The following APP variants were observed in gnomAD, a reference collection of about 807,000 sequenced individuals.
APP encodes the protein amyloid beta precursor protein, also known as amyloid-beta precursor protein.
Under a neutral mutation model 101.4 loss-of-function variants are expected in APP, and 31 were observed. The ratio of observed to expected loss-of-function variants is 0.31; its 90% confidence interval spans 0.23 to 0.41. The LOEUF (loss-of-function observed/expected upper bound fraction) is 0.41, where lower values mean the gene tolerates loss of function less well. Among genes scored for constraint, APP ranks in the 10% least tolerant of loss-of-function variants. The pLI, the probability that APP is intolerant of heterozygous loss-of-function variation, is 1.00. For missense variants in APP, 839 were observed against 1,003.7 expected (o/e 0.84, Z 2.22); for synonymous variants, 366 against 364.4 (o/e 1.00, Z -0.05).
chr21:26,109,012 T>C (rs2062249829), intron 2 of APP, among the ~76,000 whole-genome samples: 1 of 152,220 alleles, frequency 6.6e-6, no homozygotes. Flanking sequence ...TGGCCCTTTC[T>C]TACTTATGGC....
chr21:26,109,216 T>C (rs1349675605), intron 2 of APP, among the ~76,000 whole-genome samples: 3 of 152,238 alleles, frequency 2.0e-5, no homozygotes, highest in Non-Finnish European at 4.4e-5. Context: ...GCTCAACCCT[T>C]TGATACAGTT....
chr21:26,060,190 G>C (rs983860891), intron 3 of APP, among the ~76,000 whole-genome samples: 1 of 152,178 alleles, frequency 6.6e-6, no homozygotes, highest in Admixed American at 6.5e-5. Flanking sequence ...ACCTACTGAA[G>C]ACACTGGGGT....
intron 9 of APP, among the ~76,000 whole-genome samples, chr21:25,976,458 T>C (rs981255430): frequency 2.6e-5 from 4 of 152,106 alleles, no homozygotes; most frequent in African/African-American, 9.7e-5. Flanking sequence ...TTAAAGAAAA[T>C]ATGACATTTT....
intron 8 of APP, among the ~76,000 whole-genome samples, chr21:25,986,179 G>A (rs1473978320): frequency 6.6e-6 from 1 of 152,178 alleles, no homozygotes; most frequent in Non-Finnish European, 1.5e-5. Flanking sequence ...TGGGAAGGGA[G>A]TGGGGCTCAA....
At chr21:26,044,037 A>T (rs2045496173) in intron 5 of APP, among the ~76,000 whole-genome samples, 1 of 152,228 alleles carries the variant, frequency 6.6e-6, no homozygotes, top group Non-Finnish European at 1.5e-5. Flanking sequence ...GCTAAAGAAG[A>T]CAAAATAATA....
At chr21:26,140,954 G>C (rs1030390254) in intron 1 of APP, among the ~76,000 whole-genome samples, 4 of 152,192 alleles carry the variant, frequency 2.6e-5, no homozygotes, top group Admixed American at 6.5e-5. Flanking sequence ...TAAAGACAGA[G>C]GATTTGGAAT....
intron 8 of APP, among the ~76,000 whole-genome samples, chr21:25,993,604 T>A (rs1206117304): frequency 1.3e-5 from 2 of 152,226 alleles, no homozygotes; most frequent in African/African-American, 4.8e-5. Context: ...TCTAACAAAT[T>A]CAATTTCAAA....
chr21:26,006,587 C>T (rs1410783147), intron 6 of APP, among the ~76,000 whole-genome samples: 2 of 152,156 alleles, frequency 1.3e-5, no homozygotes, highest in Non-Finnish European at 2.9e-5. Context: ...AATGATTATG[C>T]AATTCATTGT....
chr21:25,909,134 G>A (rs996380044), intron 14 of APP, among the ~76,000 whole-genome samples: 1 of 151,904 alleles, frequency 6.6e-6, no homozygotes, highest in Admixed American at 6.6e-5. Context: ...GTGGTGGCGG[G>A]TACCTATAGT....
rs1476363021 is a variant in APP at position 25,955,678 on chromosome 21, G to A, written c.1536C>T (p.Phe512=). 2.5e-6 allele frequency: 4 copies of A among 1,614,138 alleles called. No homozygotes were observed. Among genetic ancestry groups the A allele is most frequent in the East Asian group, 2.2e-5 (1 of 44,884 alleles). ...QKDRQHTLKH[F]EHVRMVDPKK... is the part of the protein sequence containing the mutation. ...TGGGATCCACCATGCGCACATGCTC[G>A]AAATGCTTTAGGGTGTGCTGTCTGT... The change falls in exon 12 of 18, where the codon TTC becomes TTT. Residue 512 remains phenylalanine (F), a synonymous_variant. Transcript: ENST00000346798.
chr21:26,066,148 C>T (rs1157630213), intron 3 of APP, among the ~76,000 whole-genome samples: 1 of 152,166 alleles, frequency 6.6e-6, no homozygotes. Flanking sequence ...TGTTAAAATG[C>T]AGGTTTTGAT....
intron 15 of APP, among the ~76,000 whole-genome samples, chr21:25,904,399 CA>C (rs2038675914): frequency 2.0e-5 from 3 of 152,170 alleles, no homozygotes; most frequent in Admixed American, 1.3e-4. Context: ...TTAAGTAATA[CA>C]TAAAAAAAGG....
chr21:25,891,851 A>C lies in APP; in HGVS notation c.2082T>G (p.Asp694Glu). 2.5e-6 allele frequency: 4 copies of C among 1,614,092 alleles called. No individual in the cohort carries two copies. Among genetic ancestry groups the C allele is most frequent in the Non-Finnish European group, 3.4e-6 (4 of 1,179,994 alleles). Residue 694 changes from aspartate to glutamate, a missense_variant, in exon 17 of 18, where the codon GAT (aspartate) becomes GAG (glutamate). Transcript: ENST00000346798. Reference sequence around the variant, plus strand: ...TGATTGCACCTTTGTTTGAACCCACATCTTCTGCAAAGAACACCTTGAAAA... The same window carrying C: ...TGATTGCACCTTTGTTTGAACCCACCTCTTCTGCAAAGAACACCTTGAAAA... ...HHQKLVFFAE[D>E]VGSNKGAIIG... is the part of the protein sequence containing the mutation.
chr21:25,943,881 T>A (rs1443815774), intron 13 of APP, among the ~76,000 whole-genome samples: 1 of 152,230 alleles, frequency 6.6e-6, no homozygotes, highest in Admixed American at 6.5e-5. Flanking sequence ...CAGAATACTA[T>A]ACTTAAAAAT....
At chr21:25,884,550 A>G (rs2037199527) in intron 17 of APP, among the ~76,000 whole-genome samples, 1 of 152,068 alleles carries the variant, frequency 6.6e-6, no homozygotes, top group Non-Finnish European at 1.5e-5. Flanking sequence ...ATGGTTAAAG[A>G]TTAGCACCAA....
chr21:26,108,704 G>C (rs914712960), intron 2 of APP, among the ~76,000 whole-genome samples: 2 of 152,080 alleles, frequency 1.3e-5, no homozygotes, highest in African/African-American at 4.8e-5. Flanking sequence ...TGGCCAACAT[G>C]GTGAAACCCT....
At chr21:25,970,067 G>C (rs989177301) in intron 11 of APP, among the ~76,000 whole-genome samples, 13 of 151,978 alleles carry the variant, frequency 8.6e-5, no homozygotes, top group African/African-American at 3.1e-4. Context: ...GAATTTAACA[G>C]GAATCCTTAG....
chr21:25,892,267 C>G (rs1383258189), intron 16 of APP, among the ~76,000 whole-genome samples: 1 of 151,990 alleles, frequency 6.6e-6, no homozygotes, highest in South Asian at 2.1e-4. Flanking sequence ...TGGAAAGGCA[C>G]GATCATACTA....
intron 13 of APP, among the ~76,000 whole-genome samples, chr21:25,918,946 A>C (rs1345163650): frequency 7.8e-6 from 1 of 127,712 alleles, no homozygotes; most frequent in Non-Finnish European, 1.7e-5. Flanking sequence ...ACAAACAAAA[A>C]GACAGCAGTA....
Sources: allele counts gnomAD v4.1 joint callset (sites outside exome capture counted in the v4.1 genomes callset), GRCh38; gene constraint gnomAD v4.1.1; transcripts MANE v1.5; gene names NCBI Gene and HGNC (gene_info 2026-07-23, HGNC 2026-07-21).